The following PXDNL variants were observed in gnomAD, a reference collection of about 807,000 sequenced individuals.
PXDNL encodes peroxidasin like.
Under a neutral mutation model 150.8 loss-of-function variants are expected in PXDNL, and 145 were observed. That is an observed-to-expected ratio of 0.96 (90% confidence interval 0.84 to 1.10). The LOEUF (loss-of-function observed/expected upper bound fraction) is 1.10, where lower values mean the gene tolerates loss of function less well. PXDNL is among the 50% of genes least tolerant of loss of function. The probability of loss-of-function intolerance (pLI) is 0.00; values close to 1 mark genes in which losing one functional copy is unlikely to be tolerated. For synonymous variants in PXDNL, 757 were observed against 725.7 expected (o/e 1.04, Z -0.69); for missense variants, 2,087 against 1,873.9 (o/e 1.11, Z -2.10).
At chr8:51,442,697 C>T (rs1035701535) in intron 12 of PXDNL, among the ~76,000 whole-genome samples, 1 of 151,876 alleles carries the variant, frequency 6.6e-6, no homozygotes, top group Admixed American at 6.6e-5. Context: ...CTCTTTTGTT[C>T]TTAAATTTCT....
chr8:51,640,219 T>C (rs1034384995), intron 2 of PXDNL, among the ~76,000 whole-genome samples: 7 of 152,132 alleles, frequency 4.6e-5, no homozygotes, highest in African/African-American at 1.7e-4. Context: ...TAATAAGAGC[T>C]ATCTATGACA....
intron 2 of PXDNL, among the ~76,000 whole-genome samples, chr8:51,647,199 G>A (rs1291121583): frequency 6.6e-6 from 1 of 152,120 alleles, no homozygotes; most frequent in Non-Finnish European, 1.5e-5. Context: ...TAAAGCCCAC[G>A]CCTTAGAGCC....
At chr8:51,562,088 T>C (rs1465245180) in intron 3 of PXDNL, among the ~76,000 whole-genome samples, 1 of 151,624 alleles carries the variant, frequency 6.6e-6, no homozygotes, top group East Asian at 1.9e-4. Flanking sequence ...TGCTTTTTCA[T>C]ATTTATTTCA....
intron 1 of PXDNL, among the ~76,000 whole-genome samples, chr8:51,706,186 C>G (rs1816375225): frequency 6.6e-6 from 1 of 152,124 alleles, no homozygotes; most frequent in African/African-American, 2.4e-5. Context: ...TGGAGGGTGT[C>G]TGTAATCCCA....
intron 16 of PXDNL, among the ~76,000 whole-genome samples, chr8:51,410,548 T>G (rs1317917288): frequency 6.6e-6 from 1 of 152,018 alleles, no homozygotes; most frequent in Admixed American, 6.6e-5. Flanking sequence ...AGCTCACAGA[T>G]AGGCCTTCTG....
rs528583960 is a variant in PXDNL at position 51,555,516 on chromosome 8, C to T, written c.380+1324G>A. On this transcript the variant is annotated intron_variant, in intron 4 of 22. Transcript: ENST00000356297. ...TTGATTGGTTGACTGTGTTTTAATA[C>T]TATAACCTAACAGTTCAGCCTTCTA... is the stretch of plus-strand genomic sequence containing the variant. Among the ~76,000 whole-genome samples the T allele has an allele frequency of 1.1e-4, 17 of 152,248 alleles. 1 individual carries two copies. In the South Asian group the frequency reaches 2.1e-3, roughly 19 times the overall value.
At chr8:51,511,792 G>A (rs535812851) in intron 4 of PXDNL, among the ~76,000 whole-genome samples, 1 of 152,304 alleles carries the variant, frequency 6.6e-6, no homozygotes, top group East Asian at 1.9e-4. Context: ...GATGAAGAGT[G>A]CAATGCTCCC....
At chr8:51,517,804 A>G (rs756452742) in intron 4 of PXDNL, among the ~76,000 whole-genome samples, 1 of 152,246 alleles carries the variant, frequency 6.6e-6, no homozygotes, top group Non-Finnish European at 1.5e-5. Context: ...TGTGAAGATC[A>G]GCATCTAATC....
chr8:51,804,123 T>A lies in PXDNL; in HGVS notation c.164+5058A>T, dbSNP rs114848243. 5.4e-3 allele frequency among the ~76,000 whole-genome samples: 825 copies of A among 152,272 alleles called. 9 individuals are homozygous for A. The highest frequency in any genetic ancestry group is 0.019 in the African/African-American group (788 of 41,548). The stretch of plus-strand genomic sequence containing the variant: ...AGGGAGACATGAGACATCAATCAGT[T>A]TATGTAAGATGAATATTGATTTGGT... On this transcript the variant is annotated intron_variant, in intron 1 of 22. Coordinates refer to ENST00000356297, the MANE Select transcript of PXDNL (RefSeq NM_144651.5).
intron 19 of PXDNL, among the ~76,000 whole-genome samples, chr8:51,362,573 T>C (rs1255559177): frequency 6.6e-6 from 1 of 152,210 alleles, no homozygotes; most frequent in Non-Finnish European, 1.5e-5. Context: ...AACTTTTACT[T>C]CCACTACTTT....
intron 2 of PXDNL, among the ~76,000 whole-genome samples, chr8:51,633,533 C>T (rs1167918269): frequency 6.6e-6 from 1 of 152,136 alleles, no homozygotes; most frequent in African/African-American, 2.4e-5. Context: ...TCTCCTTTCT[C>T]TGCAGCCTTA....
At position 51,408,837 on chromosome 8, in the gene PXDNL, G is replaced by A. The variant is rs753305446; in HGVS notation, c.2787C>T (p.Ser929=). 3.2e-6 allele frequency: 5 copies of A among 1,574,876 alleles called. No homozygotes were observed. The African/African-American group carries it at 5.4e-5, about 17-fold the overall frequency. ...LLKTGFPWPP[S]GKPLLPFSTG... The stretch of plus-strand genomic sequence containing the variant: ...TAGAAAAGGGCAATAAGGGCTTTCC[G>A]GAGGGAGGCCAAGGAAAGCCTGTCT... The change falls in exon 17 of 23, where the codon TCC becomes TCT. Residue 929 remains serine, a synonymous_variant. Coordinates refer to ENST00000356297, the MANE Select transcript of PXDNL (RefSeq NM_144651.5).
chr8:51,542,084 A>T (rs182665241), intron 4 of PXDNL, among the ~76,000 whole-genome samples: 1 of 152,294 alleles, frequency 6.6e-6, no homozygotes, highest in Non-Finnish European at 1.5e-5. Context: ...TTTTGTAAAG[A>T]ACACTTACCA....
chr8:51,793,509 A>T (rs1466787691), intron 1 of PXDNL, among the ~76,000 whole-genome samples: 1 of 152,220 alleles, frequency 6.6e-6, no homozygotes, highest in Non-Finnish European at 1.5e-5. Flanking sequence ...TAACAGAAGT[A>T]GGCTTCAGAA....
At chr8:51,541,255 A>AATAAAG (rs1488135060) in intron 4 of PXDNL, among the ~76,000 whole-genome samples, 2 of 147,936 alleles carry the variant, frequency 1.4e-5, no homozygotes, top group African/African-American at 2.4e-5. Context: ...AGACTCCATA[A>AATAAAG]AAAAAAAAAA....
At chr8:51,396,370 C>CTCTGGGG (rs1808082549) in intron 17 of PXDNL, among the ~76,000 whole-genome samples, 1 of 152,230 alleles carries the variant, frequency 6.6e-6, no homozygotes, top group South Asian at 2.1e-4. Flanking sequence ...GAGGCCTTCC[C>CTCTGGGG]GACCAGAGTG....
intron 14 of PXDNL, among the ~76,000 whole-genome samples, chr8:51,418,068 G>T (rs1440980656): frequency 6.6e-6 from 1 of 152,058 alleles, no homozygotes; most frequent in Non-Finnish European, 1.5e-5. Context: ...TTAAAATTTT[G>T]AGAGCATTTA....
chr8:51,640,233 C>G (rs1349106065), intron 2 of PXDNL, among the ~76,000 whole-genome samples: 1 of 152,024 alleles, frequency 6.6e-6, no homozygotes, highest in Non-Finnish European at 1.5e-5. Flanking sequence ...TATGACAAAC[C>G]CACAGCCAAT....
chr8:51,392,125 T>G (rs970443010), intron 17 of PXDNL, among the ~76,000 whole-genome samples: 3 of 152,230 alleles, frequency 2.0e-5, no homozygotes, highest in Admixed American at 6.5e-5. Flanking sequence ...AGTACCATGC[T>G]GTTTTGGTTA....
Sources: gnomAD v4.1 joint callset for allele counts (sites outside exome capture counted in the v4.1 genomes callset) on GRCh38, gnomAD v4.1.1 for gene constraint, MANE v1.5 for transcripts, NCBI Gene and HGNC (gene_info 2026-07-23, HGNC 2026-07-21) for gene names.